AEBP2: variants seen among roughly 807,000 people sequenced by gnomAD.
AEBP2 encodes zinc finger protein AEBP2.
Under a neutral mutation model 50.8 loss-of-function variants are expected in AEBP2, and 10 were observed. The ratio of observed to expected loss-of-function variants is 0.20; its 90% CI spans 0.12 to 0.33. The LOEUF (loss-of-function observed/expected upper bound fraction) is 0.33. AEBP2 is among the 10% of genes least tolerant of loss of function. AEBP2 has a pLI of 1.00. For missense variants in AEBP2, 570 were observed against 688.0 expected (o/e 0.83, Z 1.92); for synonymous variants, 296 against 261.3 (o/e 1.13, Z -1.28).
intron 1 of AEBP2, among the ~76,000 whole-genome samples, chr12:19,444,094 T>C (rs866933084): frequency 3.5e-4 from 54 of 152,280 alleles, no homozygotes; most frequent in Middle Eastern, 6.8e-3. Flanking sequence ...TCAGTGAAGC[T>C]GAAGTACTTT....
intron 4 of AEBP2, 89 bp downstream of exon 4, chr12:19,494,075 C>T (rs1948933831): frequency 4.4e-6 from 6 of 1,369,788 alleles, no homozygotes; most frequent in Non-Finnish European, 4.9e-6. Context: ...AACTTCAACT[C>T]CTCTTCTATT....
At chr12:19,446,696 C>T (rs1258043792) in intron 1 of AEBP2, among the ~76,000 whole-genome samples, 2 of 146,902 alleles carry the variant, frequency 1.4e-5, no homozygotes, top group Non-Finnish European at 3.0e-5. Flanking sequence ...TGCGCCACTG[C>T]ACTCCAGCCT....
chr12:19,408,630 G>A (rs1188102853), intron 1 of AEBP2, among the ~76,000 whole-genome samples: 1 of 151,790 alleles, frequency 6.6e-6, no homozygotes, highest in Non-Finnish European at 1.5e-5. Context: ...GGCCGGGCGC[G>A]GTGACTCACA....
chr12:19,458,298 G>A (rs1206939789), intron 1 of AEBP2, among the ~76,000 whole-genome samples: 31 of 152,220 alleles, frequency 2.0e-4, no homozygotes, highest in Admixed American at 2.0e-3. Context: ...AGGGAGCCTA[G>A]AGGCTTAGGA....
At chr12:19,408,560 G>A (rs972027548) in intron 1 of AEBP2, among the ~76,000 whole-genome samples, 3 of 151,202 alleles carry the variant, frequency 2.0e-5, no homozygotes, top group African/African-American at 7.3e-5. Context: ...AAAAGAAAGC[G>A]TTTTCTCGTA....
intron 1 of AEBP2, chr12:19,445,803 C>G (rs910689536): frequency 1.3e-5 from 2 of 152,130 alleles, no homozygotes; most frequent in Non-Finnish European, 2.9e-5. Context: ...TATGACTGTT[C>G]TGTGGTGGGC....
At chr12:19,423,059 T>C in intron 1 of AEBP2, among the ~76,000 whole-genome samples, 1 of 62,466 alleles carries the variant, frequency 1.6e-5, no homozygotes, top group African/African-American at 6.2e-5. Context: ...AGTGAGACTC[T>C]GTCTCAAAAA....
chr12:19,433,197 C>A (rs1471117495), intron 1 of AEBP2, among the ~76,000 whole-genome samples: 4 of 152,100 alleles, frequency 2.6e-5, no homozygotes, highest in African/African-American at 9.7e-5. Flanking sequence ...ACCAGCCTGG[C>A]CAACATGGTG....
chr12:19,421,667 A>T (rs901475798), intron 1 of AEBP2, among the ~76,000 whole-genome samples: 9 of 152,172 alleles, frequency 5.9e-5, no homozygotes, highest in African/African-American at 1.9e-4. Context: ...AAAACGAAAC[A>T]TTCAGAATGG....
intron 1 of AEBP2, among the ~76,000 whole-genome samples, chr12:19,420,490 T>A (rs1233928916): frequency 6.6e-6 from 1 of 151,588 alleles, no homozygotes; most frequent in Admixed American, 6.6e-5. Flanking sequence ...TGCACCACCA[T>A]GCCTTGCTAA....
chr12:19,405,771 A>G (rs979695052), intron 1 of AEBP2, among the ~76,000 whole-genome samples: 2 of 152,046 alleles, frequency 1.3e-5, no homozygotes, highest in Non-Finnish European at 2.9e-5. Context: ...CAGAGGATAC[A>G]TTTATTAAAA....
chr12:19,447,579 C>G (rs180995028), intron 1 of AEBP2, among the ~76,000 whole-genome samples: 1 of 152,324 alleles, frequency 6.6e-6, no homozygotes, highest in East Asian at 1.9e-4. Context: ...AGAGCATGGA[C>G]GTAATCTAAC....
chr12:19,494,499 T>TG (rs1948940737), intron 4 of AEBP2, among the ~76,000 whole-genome samples: 1 of 105,680 alleles, frequency 9.5e-6, no homozygotes, highest in Non-Finnish European at 1.9e-5. Context: ...GCAGTGTTGC[T>TG]TTTTTTTTTT....
At chr12:19,423,270 A>C (rs949575444) in intron 1 of AEBP2, among the ~76,000 whole-genome samples, 2 of 151,934 alleles carry the variant, frequency 1.3e-5, no homozygotes, top group African/African-American at 2.4e-5. Context: ...GTTCTATTTG[A>C]TTTTATATTG....
intron 4 of AEBP2, among the ~76,000 whole-genome samples, chr12:19,495,389 C>T (rs750868123): frequency 3.3e-5 from 5 of 152,100 alleles, no homozygotes; most frequent in South Asian, 2.1e-4. Context: ...TTCCAGACTA[C>T]GAAATTAGTC....
At chr12:19,410,020 T>A (rs1367339844) in intron 1 of AEBP2, among the ~76,000 whole-genome samples, 1 of 152,134 alleles carries the variant, frequency 6.6e-6, no homozygotes. Flanking sequence ...AACCCATAGC[T>A]TTTTTGTGTA....
intron 5 of AEBP2, 37 bp from the exon 6 acceptor site, chr12:19,512,361 A>T: frequency 7.3e-7 from 1 of 1,363,838 alleles, no homozygotes; most frequent in Non-Finnish European, 1.0e-6. Context: ...GATGTTTTAC[A>T]CATTGTTTTT....
chr12:19,468,126 T>TTGTGTGCGTGTGTGTG (rs1948511554), intron 2 of AEBP2, among the ~76,000 whole-genome samples: 1 of 143,958 alleles, frequency 6.9e-6, no homozygotes, highest in African/African-American at 2.6e-5. Flanking sequence ...CTGCCTGACT[T>TTGTGTGCGTGTGTGTG]TGTGTGTGTG....
At chr12:19,411,307 A>G (rs749887654) in intron 1 of AEBP2, among the ~76,000 whole-genome samples, 6 of 152,166 alleles carry the variant, frequency 3.9e-5, no homozygotes, top group Non-Finnish European at 7.4e-5. Context: ...CTAATTCGCA[A>G]TATTAAAGGA....
Sources: gnomAD v4.1 joint callset for allele counts (sites outside exome capture counted in the v4.1 genomes callset) on GRCh38, gnomAD v4.1.1 for gene constraint, MANE v1.5 for transcripts, NCBI Gene and HGNC (gene_info 2026-07-23, HGNC 2026-07-21) for gene names.